KLF8: variants seen among roughly 807,000 people sequenced by gnomAD.
The protein encoded by KLF8 is KLF transcription factor 8.
In KLF8, 10 loss-of-function variants were observed where a neutral mutation model predicts 18.2. The observed-to-expected ratio is 0.55, with a 90% CI of 0.34 to 0.93. The LOEUF (loss-of-function observed/expected upper bound fraction) is 0.93. KLF8 is among the 40% of genes least tolerant of loss of function. KLF8 has a pLI of 0.02. For synonymous variants in KLF8, 109 were observed against 97.3 expected (o/e 1.12, Z -0.71); for missense variants, 264 against 277.9 (o/e 0.95, Z 0.36).
chrX:56,086,408 G>T, the KLF8 span, among the ~76,000 whole-genome samples: 1 of 110,734 alleles, frequency 9.0e-6, no homozygotes, highest in East Asian at 2.8e-4. Flanking sequence ...AACAGAGCAG[G>T]AAAAGAGCAA....
At chrX:55,953,487 A>G in the KLF8 span, among the ~76,000 whole-genome samples, 2 of 110,689 alleles carry the variant, frequency 1.8e-5, no homozygotes, top group African/African-American at 6.6e-5. Context: ...AGGTGACCCT[A>G]AAATAAATAT....
At chrX:55,990,293 A>G in the KLF8 span, among the ~76,000 whole-genome samples, 1 of 111,479 alleles carries the variant, frequency 9.0e-6, no homozygotes, top group African/African-American at 3.3e-5. Context: ...TTGTGATGTT[A>G]GGGTGTCAAT....
chrX:56,189,768 G>A, the KLF8 span, among the ~76,000 whole-genome samples: 1 of 104,622 alleles, frequency 9.6e-6, no homozygotes, highest in Non-Finnish European at 1.9e-5. Context: ...ACTATCACGA[G>A]GACAAAAATC....
the KLF8 span, among the ~76,000 whole-genome samples, chrX:56,125,847 C>A: frequency 9.0e-5 from 10 of 111,665 alleles, no homozygotes; most frequent in African/African-American, 3.3e-4. Flanking sequence ...TGAACCTCAG[C>A]TATATCATGT....
the KLF8 span, among the ~76,000 whole-genome samples, chrX:56,028,093 G>T: frequency 1.9e-3 from 210 of 112,149 alleles, 6 homozygotes; most frequent in East Asian, 0.056. Flanking sequence ...CTTGGCCAGG[G>T]CCCCACAGTT....
At chrX:55,946,748 G>A in the KLF8 span, among the ~76,000 whole-genome samples, 412 of 110,968 alleles carry the variant, frequency 3.7e-3, no homozygotes, top group Non-Finnish European at 5.3e-3. Context: ...CTGACAAAGC[G>A]CTAATATCCA....
chrX:56,111,460 A>T, the KLF8 span, among the ~76,000 whole-genome samples: 2 of 112,311 alleles, frequency 1.8e-5, no homozygotes, highest in African/African-American at 6.5e-5. Flanking sequence ...AATGGCAAGA[A>T]AAGCCAAAAT....
At chrX:56,111,348 T>C in the KLF8 span, among the ~76,000 whole-genome samples, 3 of 111,941 alleles carry the variant, frequency 2.7e-5, 1 homozygote, top group African/African-American at 9.7e-5. Context: ...TTGGAGTTCA[T>C]TGGCCTTCTG....
At chrX:55,985,515 T>G in the KLF8 span, among the ~76,000 whole-genome samples, 1 of 112,021 alleles carries the variant, frequency 8.9e-6, no homozygotes, top group South Asian at 3.7e-4. Flanking sequence ...ACCATGCTGT[T>G]TGGTTACTGC....
upstream of KLF8, among the ~76,000 whole-genome samples, chrX:56,230,370 A>G (rs2066391253): frequency 8.9e-6 from 1 of 112,366 alleles, no homozygotes; most frequent in Non-Finnish European, 1.9e-5. Context: ...TACTCCCCAA[A>G]TTTTATACAT....
chrX:55,956,943 T>C, the KLF8 span, among the ~76,000 whole-genome samples: 2 of 111,881 alleles, frequency 1.8e-5, no homozygotes, highest in Non-Finnish European at 3.8e-5. Flanking sequence ...TCCTATGCTT[T>C]TGGTGACATA....
the KLF8 span, among the ~76,000 whole-genome samples, chrX:56,197,003 G>T: frequency 8.9e-6 from 1 of 111,785 alleles, no homozygotes; most frequent in Non-Finnish European, 1.9e-5. Context: ...CTACTGGGTA[G>T]TAACGAAATG....
chrX:56,093,903 ATATG>A, the KLF8 span, among the ~76,000 whole-genome samples: 5 of 77,756 alleles, frequency 6.4e-5, no homozygotes, highest in Middle Eastern at 6.7e-3. Flanking sequence ...CGTATATATT[ATATG>A]TGTGTGTGTG....
At chrX:56,082,713 A>T in the KLF8 span, among the ~76,000 whole-genome samples, 2 of 110,698 alleles carry the variant, frequency 1.8e-5, no homozygotes, top group South Asian at 7.5e-4. Context: ...TGATTTTTTG[A>T]GTGTGTTATA....
At chrX:55,921,618 G>T in the KLF8 span, among the ~76,000 whole-genome samples, 2 of 111,646 alleles carry the variant, frequency 1.8e-5, no homozygotes, top group Non-Finnish European at 3.8e-5. Context: ...TTGACAAATG[G>T]GATCTAATTA....
the KLF8 span, among the ~76,000 whole-genome samples, chrX:56,172,568 G>C: frequency 1.8e-5 from 2 of 111,777 alleles, no homozygotes; most frequent in African/African-American, 3.3e-5. Context: ...ATAAACATAT[G>C]TGTGCATGTG....
the KLF8 span, among the ~76,000 whole-genome samples, chrX:56,217,413 T>TTTATTTATTTAC: frequency 9.2e-6 from 1 of 108,708 alleles, no homozygotes; most frequent in Non-Finnish European, 1.9e-5. Context: ...TATTTATTTA[T>TTTATTTATTTAC]TTATTCATTT....
the KLF8 span, among the ~76,000 whole-genome samples, chrX:56,145,309 T>C: frequency 9.0e-6 from 1 of 111,729 alleles, no homozygotes; most frequent in South Asian, 3.7e-4. Flanking sequence ...ATAACAAGTG[T>C]TGATGAGAAT....
the KLF8 span, among the ~76,000 whole-genome samples, chrX:56,188,550 A>C: frequency 9.0e-6 from 1 of 111,547 alleles, no homozygotes; most frequent in Non-Finnish European, 1.9e-5. Flanking sequence ...CAAAAAAGAG[A>C]CGCATCACCA....
Sources: allele counts gnomAD v4.1 joint callset (sites outside exome capture counted in the v4.1 genomes callset), GRCh38; gene constraint gnomAD v4.1.1; transcripts MANE v1.5; gene names NCBI Gene and HGNC (gene_info 2026-07-23, HGNC 2026-07-21).